GRAMD2B: variants seen among roughly 807,000 people sequenced by gnomAD.
GRAMD2B encodes GRAM domain-containing protein 2B.
Under a neutral mutation model 59.2 loss-of-function variants are expected in GRAMD2B, and 41 were observed. That is an observed-to-expected ratio of 0.69 (90% confidence interval 0.54 to 0.90). The LOEUF (loss-of-function observed/expected upper bound fraction) is 0.90. Ranked by LOEUF, GRAMD2B falls within the 40% of genes least tolerant of loss-of-function variation. The probability of loss-of-function intolerance (pLI) is 0.00; values close to 1 mark genes in which losing one functional copy is unlikely to be tolerated. For missense variants in GRAMD2B, 424 were observed against 500.5 expected (o/e 0.85, Z 1.46); for synonymous variants, 161 against 182.7 (o/e 0.88, Z 0.96).
At chr5:126,406,139 G>A (rs1303520924) in intron 1 of GRAMD2B, among the ~76,000 whole-genome samples, 3 of 151,808 alleles carry the variant, frequency 2.0e-5, no homozygotes, top group Non-Finnish European at 4.4e-5. Flanking sequence ...TATTTATGTT[G>A]TTGTTTTGTC....
upstream of GRAMD2B, among the ~76,000 whole-genome samples, chr5:126,421,500 G>T (rs1759724944): frequency 6.6e-6 from 1 of 152,154 alleles, no homozygotes; most frequent in African/African-American, 2.4e-5. Flanking sequence ...AAGCTTTCAG[G>T]TCACCCAGAG....
At chr5:126,405,005 A>C (rs1284314448) in intron 1 of GRAMD2B, among the ~76,000 whole-genome samples, 1 of 151,944 alleles carries the variant, frequency 6.6e-6, no homozygotes. Context: ...CAAGTTACTT[A>C]CTCAAGGTCA....
At chr5:126,421,008 A>G (rs1036508264), upstream of GRAMD2B, among the ~76,000 whole-genome samples, 1 of 152,250 alleles carries the variant, frequency 6.6e-6, no homozygotes, top group Non-Finnish European at 1.5e-5. Context: ...GTATGATTCC[A>G]CTAATGTGAG....
chr5:126,480,826 C>T (rs957630299), intron 8 of GRAMD2B, 119 bp downstream of exon 8: 27 of 800,950 alleles, frequency 3.4e-5, no homozygotes, highest in Admixed American at 1.3e-4. Context: ...ATTTGAGGTA[C>T]AGTTGAAGAA....
At position 126,466,667 on chromosome 5, in the gene GRAMD2B, C is replaced by T. The variant is rs191568860; in HGVS notation, c.203+1122C>T. Reference sequence around the variant, plus strand: ...TCTTGAACTCCTGACCTCAGGTGATCCACCGGCCTTGGCCTCCCAAAGGGC... The same window carrying T: ...TCTTGAACTCCTGACCTCAGGTGATTCACCGGCCTTGGCCTCCCAAAGGGC... On this transcript the variant is annotated intron_variant, in intron 2 of 13. Coordinates refer to ENST00000285689, the MANE Select transcript of GRAMD2B (RefSeq NM_023927.4). Among the ~76,000 whole-genome samples, 86 of 152,306 alleles carry T rather than the reference C, an allele frequency of 5.6e-4. No individual in the cohort carries two copies. The South Asian group carries it at 7.2e-3, about 13-fold the overall frequency.
intron 1 of GRAMD2B, among the ~76,000 whole-genome samples, chr5:126,411,538 A>G (rs899991346): frequency 6.6e-6 from 1 of 152,204 alleles, no homozygotes; most frequent in Admixed American, 6.5e-5. Flanking sequence ...AGGTGATTTG[A>G]TGTCTCCAGC....
chr5:126,480,767 CT>C, intron 8 of GRAMD2B, 60 bp downstream of exon 8: 1 of 1,429,122 alleles, frequency 7.0e-7, no homozygotes, highest in Non-Finnish European at 9.9e-7. Flanking sequence ...CACAATTACA[CT>C]TGTGCTTACA....
intron 1 of GRAMD2B, among the ~76,000 whole-genome samples, chr5:126,390,424 G>T (rs943739893): frequency 6.6e-6 from 1 of 152,120 alleles, no homozygotes; most frequent in African/African-American, 2.4e-5. Flanking sequence ...TATATAAATG[G>T]CCATTAATTA....
intron 1 of GRAMD2B, among the ~76,000 whole-genome samples, chr5:126,427,993 G>C (rs955264379): frequency 9.9e-5 from 15 of 152,068 alleles, no homozygotes; most frequent in Non-Finnish European, 1.8e-4. Flanking sequence ...AGCATTTTGG[G>C]AGGCCGAGGC....
intron 1 of GRAMD2B, among the ~76,000 whole-genome samples, chr5:126,400,617 C>A (rs974796401): frequency 1.3e-5 from 2 of 152,060 alleles, no homozygotes; most frequent in Admixed American, 1.3e-4. Flanking sequence ...GAAGAATGCC[C>A]TTTACTTTTC....
intron 1 of GRAMD2B, chr5:126,464,993 G>A (rs1768032136): frequency 1.1e-6 from 1 of 916,320 alleles, no homozygotes; most frequent in Non-Finnish European, 1.3e-6. Context: ...CAACATGTAA[G>A]TGACATAAGA....
upstream of GRAMD2B, among the ~76,000 whole-genome samples, chr5:126,369,799 CAG>C (rs1327927609): frequency 1.3e-5 from 2 of 152,144 alleles, no homozygotes; most frequent in Non-Finnish European, 2.9e-5. Context: ...CTGCATGAGA[CAG>C]AGAGTAACAG....
At position 126,408,247 on chromosome 5, in the gene GRAMD2B, A is replaced by C. The variant is rs118001153; in HGVS notation, c.125+36680A>C. On this transcript the variant is annotated intron_variant, in intron 1 of 8. Coordinates refer to the GRAMD2B transcript ENST00000506445. ...TTAATTCACTTAGGATAATGGCTTC[A>C]AGCTGCATTCGTGTTGCTGCAAAGG... 2.1e-3 allele frequency among the ~76,000 whole-genome samples: 314 copies of C among 152,116 alleles called. 8 individuals carry two copies. In the East Asian group the frequency reaches 0.056, roughly 27 times the overall value.
chr5:126,464,295 T>G (rs1196661895), intron 1 of GRAMD2B, among the ~76,000 whole-genome samples: 1 of 152,268 alleles, frequency 6.6e-6, no homozygotes, highest in African/African-American at 2.4e-5. Context: ...CAATGCCATC[T>G]TAACATGTCT....
At chr5:126,482,492 C>T (rs1203760940) in intron 8 of GRAMD2B, among the ~76,000 whole-genome samples, 1 of 152,190 alleles carries the variant, frequency 6.6e-6, no homozygotes, top group African/African-American at 2.4e-5. Flanking sequence ...ACTGCTTTGA[C>T]TCAGTTTCTT....
At chr5:126,389,074 T>C (rs1742550041) in intron 1 of GRAMD2B, among the ~76,000 whole-genome samples, 2 of 152,138 alleles carry the variant, frequency 1.3e-5, no homozygotes, top group African/African-American at 2.4e-5. Flanking sequence ...CATGGAGAAG[T>C]AGCATAGGAT....
chr5:126,424,752 A>G (rs766545168), intron 1 of GRAMD2B, among the ~76,000 whole-genome samples: 5 of 152,218 alleles, frequency 3.3e-5, no homozygotes, highest in African/African-American at 4.8e-5. Context: ...CTTACTGAGA[A>G]TGCTTACTAT....
intron 1 of GRAMD2B, among the ~76,000 whole-genome samples, chr5:126,448,813 G>A (rs1013358458): frequency 3.3e-5 from 5 of 152,234 alleles, no homozygotes; most frequent in Non-Finnish European, 7.3e-5. Context: ...GATTGGAGTT[G>A]TGTGGGCCCT....
chr5:126,435,486 G>T (rs574559778), intron 1 of GRAMD2B, among the ~76,000 whole-genome samples: 26 of 152,286 alleles, frequency 1.7e-4, no homozygotes, highest in African/African-American at 5.5e-4. Context: ...AGAGCAGAAG[G>T]GGGAAGGACT....
Sources: allele counts gnomAD v4.1 joint callset (sites outside exome capture counted in the v4.1 genomes callset), GRCh38; gene constraint gnomAD v4.1.1; transcripts MANE v1.5; gene names NCBI Gene and HGNC (gene_info 2026-07-23, HGNC 2026-07-21).